Variants in MAST2 observed in about 807,000 individuals in gnomAD.
MAST2 encodes microtubule associated serine/threonine kinase 2.
Under a neutral mutation model 147.4 loss-of-function variants are expected in MAST2, and 70 were observed. The ratio of observed to expected loss-of-function variants is 0.47; its 90% CI spans 0.39 to 0.58. MAST2 has a LOEUF of 0.58. Among genes scored for constraint, MAST2 ranks in the 20% least tolerant of loss-of-function variants. The probability of loss-of-function intolerance (pLI) is 0.00; values close to 1 mark genes in which losing one functional copy is unlikely to be tolerated. For missense variants in MAST2, 2,080 were observed against 2,302.3 expected, an observed-to-expected ratio of 0.90 and a Z score of 1.98; for synonymous variants, 869 against 896.8, an observed-to-expected ratio of 0.97 and a Z score of 0.55.
At chr1:45,888,423 C>T (rs960125620) in intron 4 of MAST2, among the ~76,000 whole-genome samples, 11 of 151,918 alleles carry the variant, frequency 7.2e-5, no homozygotes, top group African/African-American at 2.2e-4. Context: ...AGTACAGTGG[C>T]GCCATCTGGG....
intron 3 of MAST2, among the ~76,000 whole-genome samples, chr1:45,864,607 T>C (rs1646084109): frequency 6.6e-6 from 1 of 152,246 alleles, no homozygotes. Flanking sequence ...TTTTTCTTTG[T>C]ATTTCTGAAG....
chr1:45,989,961 G>A (rs953341984), intron 5 of MAST2, among the ~76,000 whole-genome samples: 1 of 152,218 alleles, frequency 6.6e-6, no homozygotes, highest in African/African-American at 2.4e-5. Flanking sequence ...ATGTGCCACA[G>A]TATGTTTATC....
intron 4 of MAST2, among the ~76,000 whole-genome samples, chr1:45,909,637 C>T (rs1365391612): frequency 6.6e-6 from 1 of 151,832 alleles, no homozygotes; most frequent in South Asian, 2.1e-4. Context: ...TCTACCTCAG[C>T]CTGCCAAGTG....
At chr1:45,843,995 CTT>C (rs1157481737) in intron 3 of MAST2, among the ~76,000 whole-genome samples, 1 of 152,140 alleles carries the variant, frequency 6.6e-6, no homozygotes, top group Non-Finnish European at 1.5e-5. Flanking sequence ...TTTATCATCT[CTT>C]TTGTGTTAAT....
intron 5 of MAST2, among the ~76,000 whole-genome samples, chr1:45,963,505 A>T (rs901176910): frequency 6.6e-6 from 1 of 152,024 alleles, no homozygotes; most frequent in African/African-American, 2.4e-5. Flanking sequence ...ATTCCTTGGT[A>T]TTATATTCTC....
chr1:45,961,392 G>C, intron 5 of MAST2, among the ~76,000 whole-genome samples: 1 of 152,174 alleles, frequency 6.6e-6, no homozygotes, highest in Non-Finnish European at 1.5e-5. Context: ...CAACTAATGT[G>C]AGTACTGAGC....
chr1:45,927,076 A>G (rs1031280900), intron 4 of MAST2, among the ~76,000 whole-genome samples: 2 of 152,200 alleles, frequency 1.3e-5, no homozygotes, highest in African/African-American at 4.8e-5. Flanking sequence ...GATGCCCCAC[A>G]AGCCACAAAA....
At chr1:45,963,811 G>A (rs1486601494) in intron 5 of MAST2, among the ~76,000 whole-genome samples, 2 of 152,200 alleles carry the variant, frequency 1.3e-5, no homozygotes, top group Non-Finnish European at 2.9e-5. Context: ...GAATAGGAGT[G>A]GTGAGAGAGG....
chr1:46,032,579 T>C lies in MAST2; in HGVS notation c.3415-17T>C. On this transcript the variant is annotated splice_polypyrimidine_tract_variant and intron_variant, in intron 25 of 28. Transcript: ENST00000361297. ...TGTTCAGGCTCCAGTCTGAGTACTG[T>C]TCTCTTCCTGGCACAGCACGTGGAG... is the stretch of plus-strand genomic sequence containing the variant. 1 of 1,613,372 alleles carries C rather than the reference T, an allele frequency of 6.2e-7. No individual in the cohort carries two copies.
chr1:45,888,964 C>T (rs1346672040), intron 4 of MAST2, among the ~76,000 whole-genome samples: 1 of 152,024 alleles, frequency 6.6e-6, no homozygotes, highest in Non-Finnish European at 1.5e-5. Flanking sequence ...GCCTGAGCCA[C>T]TGTGCCCGGC....
chr1:45,893,598 T>TA (rs1557876287), intron 4 of MAST2, among the ~76,000 whole-genome samples: 90 of 132,782 alleles, frequency 6.8e-4, no homozygotes, highest in African/African-American at 2.1e-3. Context: ...GTAGGATATT[T>TA]TAAAAAAAAA....
At chr1:45,819,995 C>A (rs1031769605) in intron 1 of MAST2, among the ~76,000 whole-genome samples, 1 of 152,082 alleles carries the variant, frequency 6.6e-6, no homozygotes, top group African/African-American at 2.4e-5. Flanking sequence ...TAAAAACAAA[C>A]AGAGACCAAT....
intron 3 of MAST2, among the ~76,000 whole-genome samples, chr1:45,856,508 G>C (rs1440731525): frequency 6.6e-6 from 1 of 152,014 alleles, no homozygotes; most frequent in Non-Finnish European, 1.5e-5. Context: ...GTTTATTTTT[G>C]TTTACTTGCA....
chr1:45,955,665 C>T (rs887279888), intron 4 of MAST2, among the ~76,000 whole-genome samples: 68 of 152,106 alleles, frequency 4.5e-4, no homozygotes, highest in African/African-American at 1.5e-3. Flanking sequence ...GAAACATAGG[C>T]AAAGGAAATC....
At chr1:46,016,570 A>T (rs1351420830) in intron 10 of MAST2, among the ~76,000 whole-genome samples, 1 of 152,200 alleles carries the variant, frequency 6.6e-6, no homozygotes, top group East Asian at 1.9e-4. Flanking sequence ...GTGAACTCCC[A>T]TTCACAATTG....
chr1:45,928,019 T>C (rs1654676306), intron 4 of MAST2, among the ~76,000 whole-genome samples: 1 of 152,228 alleles, frequency 6.6e-6, no homozygotes, highest in African/African-American at 2.4e-5. Context: ...TGAAGCTTTC[T>C]AGGATACTTC....
At chr1:45,926,440 CA>C (rs11337068) in intron 4 of MAST2, among the ~76,000 whole-genome samples, 67,906 of 151,944 alleles carry the variant, frequency 0.45, 15,354 homozygotes, top group East Asian at 0.63. Context: ...ACCATATGTC[CA>C]TACTGCAGAA....
intron 5 of MAST2, among the ~76,000 whole-genome samples, chr1:45,969,703 A>T (rs1174868235): frequency 6.6e-6 from 1 of 152,022 alleles, no homozygotes; most frequent in Non-Finnish European, 1.5e-5. Context: ...ATTCTATATT[A>T]TGGTGAGCTG....
chr1:45,993,444 G>A (rs1271033719), intron 5 of MAST2, among the ~76,000 whole-genome samples: 10 of 152,124 alleles, frequency 6.6e-5, no homozygotes, highest in Admixed American at 5.9e-4. Context: ...AGCACTTTGG[G>A]AGGCTGAGGC....
Sources: allele counts gnomAD v4.1 joint callset (sites outside exome capture counted in the v4.1 genomes callset), GRCh38; gene constraint gnomAD v4.1.1; transcripts MANE v1.5; gene names NCBI Gene and HGNC (gene_info 2026-07-23, HGNC 2026-07-21).